The following APBB2 variants were observed in gnomAD, a reference collection of about 807,000 sequenced individuals.
The protein encoded by APBB2 is Fe65-like 1.
In APBB2, 38 loss-of-function variants were observed where a neutral mutation model predicts 82.5. That is an observed-to-expected ratio of 0.46 (90% CI 0.36 to 0.60). The LOEUF (loss-of-function observed/expected upper bound fraction) is 0.60, where lower values mean the gene tolerates loss of function less well. APBB2 is among the 20% of genes least tolerant of loss of function. The probability of loss-of-function intolerance (pLI) is 0.00; values close to 1 mark genes in which losing one functional copy is unlikely to be tolerated. For synonymous variants in APBB2, 341 were observed against 368.2 expected, an observed-to-expected ratio of 0.93 and a Z score of 0.85; for missense variants, 772 against 972.3, an observed-to-expected ratio of 0.79 and a Z score of 2.74.
At chr4:41,093,165 T>C (rs923864691) in intron 3 of APBB2, among the ~76,000 whole-genome samples, 9 of 152,192 alleles carry the variant, frequency 5.9e-5, no homozygotes, top group Non-Finnish European at 1.0e-4. Flanking sequence ...GATGAAATGT[T>C]GATCTCAAGT....
intron 7 of APBB2, 173 bp from the exon 8 acceptor site, chr4:40,935,312 T>G: frequency 1.8e-6 from 1 of 569,834 alleles, no homozygotes; most frequent in African/African-American, 1.9e-5. Flanking sequence ...TATGTCTAGA[T>G]TATCACCTGA....
chr4:40,867,876 T>C (rs1764426999), intron 12 of APBB2, among the ~76,000 whole-genome samples: 1 of 152,034 alleles, frequency 6.6e-6, no homozygotes, highest in Non-Finnish European at 1.5e-5. Context: ...TTTTTTTTTT[T>C]TTTTAAGAAT....
intron 2 of APBB2, among the ~76,000 whole-genome samples, chr4:41,116,585 C>G (rs899590296): frequency 4.6e-5 from 7 of 151,978 alleles, no homozygotes; most frequent in Non-Finnish European, 7.4e-5. Context: ...GACCCAAGAT[C>G]GCGTCACTGC....
chr4:40,975,101 CTA>C (rs1243168624), intron 6 of APBB2, among the ~76,000 whole-genome samples: 4 of 152,138 alleles, frequency 2.6e-5, no homozygotes, highest in African/African-American at 9.7e-5. Flanking sequence ...CAATGCTAGG[CTA>C]TCACTCCCTA....
chr4:40,997,204 GC>G (rs950078785), intron 6 of APBB2, among the ~76,000 whole-genome samples: 2 of 152,108 alleles, frequency 1.3e-5, no homozygotes, highest in African/African-American at 4.8e-5. Flanking sequence ...TCGGGGAGAT[GC>G]ATTTGAGACT....
chr4:40,923,222 G>C (rs907216196), intron 10 of APBB2, among the ~76,000 whole-genome samples: 12 of 149,360 alleles, frequency 8.0e-5, no homozygotes, highest in African/African-American at 3.0e-4. Context: ...TGATCCGCCC[G>C]CCTCGGCCTC....
At chr4:41,093,891 G>C (rs894716208) in intron 3 of APBB2, among the ~76,000 whole-genome samples, 1 of 151,882 alleles carries the variant, frequency 6.6e-6, no homozygotes, top group Non-Finnish European at 1.5e-5. Context: ...AGAAGAGATG[G>C]AATCCAAACC....
chr4:41,210,107 G>T (rs1382368954), intron 1 of APBB2, among the ~76,000 whole-genome samples: 1 of 152,208 alleles, frequency 6.6e-6, no homozygotes, highest in Non-Finnish European at 1.5e-5. Context: ...CAGAGGTGGA[G>T]CTCAGGTGGT....
intron 12 of APBB2, among the ~76,000 whole-genome samples, chr4:40,884,972 AT>A (rs1339420533): frequency 6.6e-6 from 1 of 152,226 alleles, no homozygotes; most frequent in Admixed American, 6.5e-5. Context: ...ACACAGAAAG[AT>A]TTTATTAAAA....
intron 12 of APBB2, among the ~76,000 whole-genome samples, chr4:40,886,715 A>T (rs1423043171): frequency 6.6e-6 from 1 of 152,162 alleles, no homozygotes; most frequent in African/African-American, 2.4e-5. Flanking sequence ...CATTGGCCTC[A>T]GTCGCCAAGG....
At position 40,914,832 on chromosome 4, in the gene APBB2, G is replaced by T. The variant is rs137874210; in HGVS notation, c.1254+19624C>A. Among the ~76,000 whole-genome samples the T allele has an allele frequency of 5.9e-5, 9 of 152,270 alleles. No individual in the cohort carries two copies. In the South Asian group the frequency reaches 8.3e-4, roughly 14 times the overall value. ...ATGGAGGGGCATAGGATAGCAGGGT[G>T]GGGGGTGGTGCTTAATTACTCTTAA... On this transcript the variant is annotated intron_variant, in intron 10 of 17. Transcript: ENST00000508593.
At position 40,940,540 on chromosome 4, in the gene APBB2, C is replaced by T. The variant is rs188041564; in HGVS notation, c.1044+4325G>A. Among the ~76,000 whole-genome samples, 381 of 152,212 alleles carry T rather than the reference C, an allele frequency of 2.5e-3. 1 individual carries two copies. Among genetic ancestry groups the T allele is most frequent in the Middle Eastern group, 6.8e-3 (2 of 294 alleles). ...TTCAGAAAAATGACGGCAGAACGGC[C>T]CTTTTATGTTGTCATCTTATTTCTA... On this transcript the variant is annotated intron_variant, in intron 7 of 17. Coordinates refer to ENST00000508593, the MANE Select transcript of APBB2 (RefSeq NM_004307.2).
intron 7 of APBB2, among the ~76,000 whole-genome samples, chr4:40,942,421 T>G (rs1339607533): frequency 6.6e-6 from 1 of 152,196 alleles, no homozygotes; most frequent in Non-Finnish European, 1.5e-5. Context: ...TCTAGAGTCC[T>G]GGGGTCTGGA....
At position 40,826,043 on chromosome 4, in the gene APBB2, A is replaced by C. The variant is rs1048742948; in HGVS notation, c.1733-73T>G. 8.8e-7 allele frequency: 1 copy of C among 1,134,588 alleles called. No homozygotes were observed. Among genetic ancestry groups the C allele is most frequent in the Non-Finnish European group, 1.3e-6 (1 of 743,214 alleles). 70.3% of individuals were successfully genotyped at this position (1,134,588 alleles called of 1,614,324 possible). ...ATGTACACAACAGCCGTGGCTCTGC[A>C]TCATCTGAATGCTCAGGACACGCCC... On this transcript the variant is annotated intron_variant, in intron 14 of 17. Coordinates refer to ENST00000508593, the MANE Select transcript of APBB2 (RefSeq NM_004307.2). This position sits in a 1 kb window ranked among gnomAD's most constrained non-coding sequence, Gnocchi z 4.5.
intron 10 of APBB2, among the ~76,000 whole-genome samples, chr4:40,929,140 G>A (rs1783451112): frequency 6.6e-6 from 1 of 151,712 alleles, no homozygotes. Flanking sequence ...GGGGCTATGA[G>A]AACTCTGTAC....
chr4:40,930,448 T>TGCGCGCGC (rs1174752964), intron 10 of APBB2, among the ~76,000 whole-genome samples: 2 of 66,538 alleles, frequency 3.0e-5, no homozygotes, highest in Admixed American at 3.3e-4. Flanking sequence ...TGTGTGTGTG[T>TGCGCGCGC]GCGCGCGCGC....
At chr4:40,975,899 AG>A (rs1797073833) in intron 6 of APBB2, among the ~76,000 whole-genome samples, 1 of 152,160 alleles carries the variant, frequency 6.6e-6, no homozygotes, top group Non-Finnish European at 1.5e-5. Flanking sequence ...AACTGATTCT[AG>A]GGACTCTCAT....
chr4:41,180,979 T>C (rs1771172363), intron 1 of APBB2, among the ~76,000 whole-genome samples: 1 of 152,046 alleles, frequency 6.6e-6, no homozygotes, highest in African/African-American at 2.4e-5. Flanking sequence ...ATCAAATGAA[T>C]CCTATGGGTT....
At chr4:40,875,001 T>C (rs969355221) in intron 12 of APBB2, among the ~76,000 whole-genome samples, 9 of 152,220 alleles carry the variant, frequency 5.9e-5, no homozygotes, top group African/African-American at 1.9e-4. Flanking sequence ...GTCAGAGCTG[T>C]TGTGTGACAT....
Sources: allele counts gnomAD v4.1 joint callset (sites outside exome capture counted in the v4.1 genomes callset), GRCh38; gene constraint gnomAD v4.1.1; non-coding constraint Gnocchi (gnomAD v3.1); transcripts MANE v1.5; gene names NCBI Gene and HGNC (gene_info 2026-07-23, HGNC 2026-07-21).